NRG3: variants seen among roughly 807,000 people sequenced by gnomAD.
The protein encoded by NRG3 is pro-neuregulin-3, membrane-bound isoform.
NRG3 carries 31 observed loss-of-function variants against 66.9 expected under a neutral mutation model. The observed-to-expected ratio is 0.46, with a 90% CI of 0.35 to 0.63. NRG3 has a LOEUF of 0.63. Among genes scored for constraint, NRG3 ranks in the 20% least tolerant of loss-of-function variants. The pLI, the probability that NRG3 is intolerant of heterozygous loss-of-function variation, is 0.00. For synonymous variants in NRG3, 393 were observed against 359.4 expected, an observed-to-expected ratio of 1.09 and a Z score of -1.06; for missense variants, 910 against 878.9, an observed-to-expected ratio of 1.04 and a Z score of -0.45.
chr10:81,953,935 G>A (rs890821303), intron 1 of NRG3, among the ~76,000 whole-genome samples: 7 of 152,156 alleles, frequency 4.6e-5, no homozygotes, highest in African/African-American at 7.2e-5. Context: ...ATATTGGGAA[G>A]TCAGATATAT....
At chr10:82,893,798 A>G (rs1161398145) in intron 4 of NRG3, among the ~76,000 whole-genome samples, 1 of 152,214 alleles carries the variant, frequency 6.6e-6, no homozygotes, top group Non-Finnish European at 1.5e-5. Flanking sequence ...ATATTAGAAA[A>G]GACAAATGGC....
chr10:82,931,134 A>T (rs1847539237), intron 4 of NRG3, among the ~76,000 whole-genome samples: 1 of 152,294 alleles, frequency 6.6e-6, no homozygotes, highest in South Asian at 2.1e-4. Flanking sequence ...TCCCTCTTGC[A>T]GTACCAATAC....
chr10:82,022,980 G>A (rs2062129969), intron 1 of NRG3, among the ~76,000 whole-genome samples: 1 of 151,196 alleles, frequency 6.6e-6, no homozygotes, highest in South Asian at 2.1e-4. Flanking sequence ...GATACAATGT[G>A]TAATGATCAA....
intron 5 of NRG3, among the ~76,000 whole-genome samples, chr10:82,957,767 C>T (rs1170470633): frequency 1.3e-5 from 2 of 152,128 alleles, no homozygotes; most frequent in African/African-American, 4.8e-5. Context: ...CGTTTCCTGT[C>T]TTCCTAGTGA....
At chr10:82,254,011 T>C (rs953889003) in intron 1 of NRG3, among the ~76,000 whole-genome samples, 4 of 152,232 alleles carry the variant, frequency 2.6e-5, no homozygotes, top group African/African-American at 9.6e-5. Flanking sequence ...GATCTCAACT[T>C]AAATATCACA....
In NRG3 at chr10:82,357,797, C is replaced by T. The variant is rs77725520; in HGVS notation, c.824-942C>T. 9.2e-3 allele frequency among the ~76,000 whole-genome samples: 1,398 copies of T among 152,180 alleles called. 59 individuals are homozygous for T. The East Asian group carries it at 0.1, about 11-fold the overall frequency. ...TTTGGGAGACACATTAAAACAAGAG[C>T]GGTTAATAAGCTGGTATAATATCCC... On this transcript the variant is annotated intron_variant, in intron 1 of 8. Transcript: ENST00000372141.
intron 4 of NRG3, among the ~76,000 whole-genome samples, chr10:82,909,042 C>T (rs1483564506): frequency 1.3e-5 from 2 of 152,228 alleles, no homozygotes; most frequent in African/African-American, 2.4e-5. Flanking sequence ...CCAGTAGTCT[C>T]TTCAGGCTAT....
intron 2 of NRG3, among the ~76,000 whole-genome samples, chr10:82,524,456 A>G (rs1846490346): frequency 6.6e-6 from 1 of 152,008 alleles, no homozygotes; most frequent in African/African-American, 2.4e-5. Flanking sequence ...GTATCAAATT[A>G]TATGCCTACA....
At chr10:81,998,882 TCTTGGCTCACTGCAAC>T (rs1272330349) in intron 1 of NRG3, among the ~76,000 whole-genome samples, 8 of 152,306 alleles carry the variant, frequency 5.3e-5, no homozygotes, top group Non-Finnish European at 5.9e-5. Flanking sequence ...AGTGGTTTGA[TCTTGGCTCACTGCAAC>T]CTTCGCCTCC....
intron 4 of NRG3, among the ~76,000 whole-genome samples, chr10:82,923,072 C>G (rs2132082080): frequency 6.6e-6 from 1 of 152,274 alleles, no homozygotes; most frequent in East Asian, 1.9e-4. Flanking sequence ...AAAGGTCATC[C>G]CCTTCCAATC....
intron 3 of NRG3, among the ~76,000 whole-genome samples, chr10:82,798,780 G>A (rs983309403): frequency 1.3e-5 from 2 of 152,228 alleles, no homozygotes; most frequent in African/African-American, 2.4e-5. Flanking sequence ...ATAGAGAGAC[G>A]GTCAGATTTT....
chr10:82,005,919 G>GTGTGTGTGTA (rs1438293001), intron 1 of NRG3, among the ~76,000 whole-genome samples: 1 of 151,910 alleles, frequency 6.6e-6, no homozygotes, highest in Non-Finnish European at 1.5e-5. Context: ...GTGTGTGTGT[G>GTGTGTGTGTA]TGTGAATCAC....
chr10:82,333,718 T>C (rs1169060882), intron 1 of NRG3, among the ~76,000 whole-genome samples: 4 of 152,200 alleles, frequency 2.6e-5, no homozygotes, highest in Non-Finnish European at 5.9e-5. Flanking sequence ...TCTTGGTTCA[T>C]AGGTAGGTAC....
rs184586399 is a variant in NRG3, at chr10:82,698,721, T to A, written c.954-39856T>A. Among the ~76,000 whole-genome samples, 374 of 152,242 alleles carry A rather than the reference T, an allele frequency of 2.5e-3. 3 individuals are homozygous for A. The highest frequency in any genetic ancestry group is 0.01 in the Middle Eastern group (3 of 294). ...CTGTAAAGTGCTGATAATATAAATA[T>A]CTAGCCCACAGAGCGGTTGTGAGGA... On this transcript the variant is annotated intron_variant, in intron 2 of 8. Transcript: ENST00000372141.
At chr10:82,524,205 C>T (rs1370530226) in intron 2 of NRG3, among the ~76,000 whole-genome samples, 1 of 151,946 alleles carries the variant, frequency 6.6e-6, no homozygotes, top group Non-Finnish European at 1.5e-5. Flanking sequence ...ACCCACGAGC[C>T]ATCTAATAGC....
At chr10:82,134,213 C>G (rs941414748) in intron 1 of NRG3, among the ~76,000 whole-genome samples, 12 of 152,082 alleles carry the variant, frequency 7.9e-5, no homozygotes, top group Non-Finnish European at 1.5e-4. Flanking sequence ...TGTAAGTTGT[C>G]TTGTTTACTC....
At chr10:82,151,973 A>C (rs2070781857) in intron 1 of NRG3, among the ~76,000 whole-genome samples, 1 of 152,234 alleles carries the variant, frequency 6.6e-6, no homozygotes, top group African/African-American at 2.4e-5. Context: ...AAATAGATAG[A>C]ATATAAAATA....
chr10:82,301,878 C>T (rs2080424884), intron 1 of NRG3, among the ~76,000 whole-genome samples: 1 of 151,830 alleles, frequency 6.6e-6, no homozygotes, highest in African/African-American at 2.4e-5. Context: ...TTGATCATCA[C>T]ATCACTTTTT....
chr10:82,931,518 A>G (rs1489994829), intron 4 of NRG3, among the ~76,000 whole-genome samples: 6 of 152,158 alleles, frequency 3.9e-5, no homozygotes, highest in Non-Finnish European at 5.9e-5. Flanking sequence ...CCTGCCACAG[A>G]ATTATTAAAT....
Sources: gnomAD v4.1 joint callset for allele counts (sites outside exome capture counted in the v4.1 genomes callset) on GRCh38, gnomAD v4.1.1 for gene constraint, MANE v1.5 for transcripts, NCBI Gene and HGNC (gene_info 2026-07-23, HGNC 2026-07-21) for gene names.